Variants in FHIT observed in about 807,000 individuals in gnomAD.
FHIT encodes the protein fragile histidine triad diadenosine triphosphatase.
A neutral mutation model predicts 17.9 loss-of-function variants in FHIT; 19 were observed. The observed-to-expected ratio is 1.06, with a 90% CI of 0.74 to 1.56. The LOEUF (loss-of-function observed/expected upper bound fraction) is 1.56, where lower values mean the gene tolerates loss of function less well. Among genes scored for constraint, FHIT ranks in the 40% most tolerant of loss-of-function variants. The pLI, the probability that FHIT is intolerant of heterozygous loss-of-function variation, is 0.00. For missense variants in FHIT, 248 were observed against 189.2 expected (o/e 1.31, Z -1.82); for synonymous variants, 81 against 69.7 (o/e 1.16, Z -0.81).
chr3:59,952,556 G>A lies in FHIT; in HGVS notation c.280-30142C>T, dbSNP rs529068269. Among the ~76,000 whole-genome samples the A allele has an allele frequency of 1.5e-4, 23 of 152,224 alleles. 1 individual carries two copies. The highest frequency in any genetic ancestry group is 5.1e-4 in the African/African-American group (21 of 41,520). ...TCTCGGCTTGTGGTCTCACCATAGAGTCTATATGCCACATTCCTGCTCAAC... is the reference window on the plus strand; with the variant it reads ...TCTCGGCTTGTGGTCTCACCATAGAATCTATATGCCACATTCCTGCTCAAC... On this transcript the variant is annotated intron_variant, in intron 7 of 9. Coordinates refer to ENST00000492590, the MANE Select transcript of FHIT (RefSeq NM_002012.4).
chr3:60,017,682 A>G (rs2106716362), intron 5 of FHIT, among the ~76,000 whole-genome samples: 1 of 152,302 alleles, frequency 6.6e-6, no homozygotes, highest in African/African-American at 2.4e-5. Context: ...GCTCACCACC[A>G]GCCCAGAACT....
intron 5 of FHIT, among the ~76,000 whole-genome samples, chr3:60,451,511 T>C (rs939582284): frequency 1.3e-5 from 2 of 152,142 alleles, no homozygotes; most frequent in African/African-American, 4.8e-5. Flanking sequence ...TGAAACCATA[T>C]AGTACATACA....
chr3:60,064,145 C>G (rs77563404), intron 5 of FHIT, among the ~76,000 whole-genome samples: 1 of 152,102 alleles, frequency 6.6e-6, no homozygotes, highest in South Asian at 2.1e-4. Context: ...TTTCATTTTC[C>G]TCTTATACCT....
At chr3:60,905,778 T>A (rs1553764382) in intron 3 of FHIT, among the ~76,000 whole-genome samples, 1 of 152,216 alleles carries the variant, frequency 6.6e-6, no homozygotes, top group East Asian at 1.9e-4. Context: ...GTATATTTGC[T>A]TCTTTTTATA....
intron 3 of FHIT, among the ~76,000 whole-genome samples, chr3:60,962,708 T>C (rs561267211): frequency 1.6e-4 from 24 of 152,178 alleles, no homozygotes; most frequent in Non-Finnish European, 2.9e-4. Flanking sequence ...TTGTCTTTGG[T>C]TCTGTTTATA....
At chr3:60,496,967 A>G (rs903553723) in intron 5 of FHIT, among the ~76,000 whole-genome samples, 1 of 147,916 alleles carries the variant, frequency 6.8e-6, no homozygotes, top group Non-Finnish European at 1.5e-5. Flanking sequence ...AATAAAAACA[A>G]AAAACAAAAA....
intron 2 of FHIT, among the ~76,000 whole-genome samples, chr3:61,197,923 C>T (rs1287860620): frequency 1.3e-5 from 2 of 152,098 alleles, no homozygotes; most frequent in Non-Finnish European, 2.9e-5. Flanking sequence ...AGTGACTTTT[C>T]TGTACCAAAC....
intron 5 of FHIT, among the ~76,000 whole-genome samples, chr3:60,314,746 C>G (rs1021928035): frequency 2.6e-5 from 4 of 152,078 alleles, no homozygotes; most frequent in Non-Finnish European, 5.9e-5. Context: ...GGTCTATGTT[C>G]CTTCTCCCTG....
intron 2 of FHIT, among the ~76,000 whole-genome samples, chr3:61,170,548 T>C (rs866441137): frequency 2.0e-5 from 3 of 152,190 alleles, no homozygotes; most frequent in Middle Eastern, 3.4e-3. Flanking sequence ...CAATAGGCCC[T>C]AGTGTGTGTT....
intron 2 of FHIT, among the ~76,000 whole-genome samples, chr3:61,199,564 A>T (rs1037295792): frequency 1.8e-4 from 27 of 152,152 alleles, no homozygotes; most frequent in African/African-American, 6.0e-4. Flanking sequence ...TCATATTTTT[A>T]TTATCTAAAA....
rs770338253 is a variant in FHIT, at chr3:61,166,134, G to C, written c.-164+34483C>G. On this transcript the variant is annotated intron_variant, in intron 2 of 9. Coordinates refer to ENST00000492590, the MANE Select transcript of FHIT (RefSeq NM_002012.4). ...TAGCTGATGCCACCGTTTTTTGTCA[G>C]TCATTTATACTAAAATATACTAACT... 2.0e-4 allele frequency among the ~76,000 whole-genome samples: 31 copies of C among 152,146 alleles called. 1 individual carries two copies. Among genetic ancestry groups the C allele is most frequent in the South Asian group, 6.2e-4 (3 of 4,824 alleles).
At chr3:59,981,491 C>T (rs1708652606) in intron 7 of FHIT, among the ~76,000 whole-genome samples, 1 of 152,086 alleles carries the variant, frequency 6.6e-6, no homozygotes, top group Admixed American at 6.6e-5. Flanking sequence ...AAAATGTAGG[C>T]CATCAGTGGG....
chr3:59,968,890 G>T (rs374666558), intron 7 of FHIT, among the ~76,000 whole-genome samples: 7 of 152,284 alleles, frequency 4.6e-5, no homozygotes, highest in African/African-American at 1.7e-4. Flanking sequence ...AGATGCCAAT[G>T]CAGCCTGTGG....
intron 4 of FHIT, among the ~76,000 whole-genome samples, chr3:60,675,251 G>GTT (rs782329933): frequency 6.6e-6 from 1 of 152,174 alleles, no homozygotes; most frequent in Non-Finnish European, 1.5e-5. Context: ...AAATGCTTTA[G>GTT]TATCTCTCTC....
chr3:60,027,129 AC>A (rs1559559930), intron 5 of FHIT, among the ~76,000 whole-genome samples: 43 of 131,364 alleles, frequency 3.3e-4, no homozygotes, highest in African/African-American at 1.2e-3. Flanking sequence ...ACACACACAC[AC>A]ACACACACAC....
At chr3:60,056,457 G>C (rs2630164) in intron 5 of FHIT, among the ~76,000 whole-genome samples, 58,188 of 152,164 alleles carry the variant, frequency 0.38, 13,029 homozygotes, top group African/African-American at 0.62. Context: ...AGTTTTGTAA[G>C]AGAAACTCTT....
chr3:60,679,938 T>C (rs1553696402), intron 4 of FHIT, among the ~76,000 whole-genome samples: 3 of 152,356 alleles, frequency 2.0e-5, no homozygotes. Context: ...ATATGTTGTT[T>C]TTACTCATTC....
chr3:60,364,250 A>G (rs907290824), intron 5 of FHIT, among the ~76,000 whole-genome samples: 3 of 152,176 alleles, frequency 2.0e-5, no homozygotes, highest in African/African-American at 7.2e-5. Context: ...TGTGTACTCC[A>G]TGCTGCTTTC....
chr3:60,957,377 A>G (rs1553779290), intron 3 of FHIT, among the ~76,000 whole-genome samples: 1 of 151,484 alleles, frequency 6.6e-6, no homozygotes, highest in African/African-American at 2.4e-5. Context: ...AGCTGGGATT[A>G]CAGGCACGTG....
Sources: allele counts gnomAD v4.1 joint callset (sites outside exome capture counted in the v4.1 genomes callset), GRCh38; gene constraint gnomAD v4.1.1; transcripts MANE v1.5; gene names NCBI Gene and HGNC (gene_info 2026-07-23, HGNC 2026-07-21).